ANGPT1: variants seen among roughly 807,000 people sequenced by gnomAD.
ANGPT1 encodes the protein angiopoietin-1.
Under a neutral mutation model 62.2 loss-of-function variants are expected in ANGPT1, and 17 were observed. The ratio of observed to expected loss-of-function variants is 0.27; its 90% CI spans 0.19 to 0.41. The LOEUF (loss-of-function observed/expected upper bound fraction) is 0.41. ANGPT1 is among the 10% of genes least tolerant of loss of function. The probability of loss-of-function intolerance (pLI) is 1.00; values close to 1 mark genes in which losing one functional copy is unlikely to be tolerated. For synonymous variants in ANGPT1, 199 were observed against 198.9 expected (o/e 1.00, Z 0.00); for missense variants, 478 against 594.9 (o/e 0.80, Z 2.04).
Position 107,321,943 on chromosome 8 carries a change from A to C in ANGPT1, c.761T>G (p.Leu254Arg), listed in dbSNP as rs758015817. 1.2e-6 allele frequency: 2 copies of C among 1,614,032 alleles called. No homozygotes were observed. Among genetic ancestry groups the C allele is most frequent in the Non-Finnish European group, 1.7e-6 (2 of 1,179,908 alleles). Residue 254 changes from leucine (L) to arginine (R), a missense_variant, in exon 4 of 9, where the codon CTG (leucine) becomes CGG (arginine). Physicochemically the swap from Leu to Arg is moderately radical, Grantham distance 102. Around this residue, in one of 4 missense-constraint regions of ANGPT1, gnomAD observed 343 missense variants for 355.4 expected, o/e 0.97. Transcript: ENST00000517746. ...GACAAGGTTGTGGACTGTGTCCATC[A>C]GCTCCAGTTGCTGCTTCTGAAGGAC... ...NSVLQKQQLE[L>R]MDTVHNLVNL...
At chr8:107,366,417 A>G (rs1816274125) in intron 1 of ANGPT1, among the ~76,000 whole-genome samples, 1 of 152,220 alleles carries the variant, frequency 6.6e-6, no homozygotes, top group Admixed American at 6.5e-5. Flanking sequence ...AATTCTGGTT[A>G]AATTAGCACA....
Position 107,481,396 on chromosome 8 carries a change from C to T in ANGPT1, c.297+15866G>A, listed in dbSNP as rs181705806. Among the ~76,000 whole-genome samples, 85 of 151,178 alleles carry T rather than the reference C, an allele frequency of 5.6e-4. 1 individual carries two copies. In the East Asian group the frequency reaches 0.011, roughly 19 times the overall value. ...AAAAATACAAAAAATTAGCCAGGCG[C>T]GGTGGCGGGCTCCTGTAGTCCCAGC... On this transcript the variant is annotated intron_variant, in intron 1 of 8. Transcript: ENST00000517746.
At chr8:107,284,168 T>C (rs1173381106) in intron 7 of ANGPT1, 1 of 152,210 alleles carries the variant, frequency 6.6e-6, no homozygotes, top group East Asian at 1.9e-4. Context: ...TTTTGCTTTT[T>C]AGATTTACCA....
At chr8:107,370,700 C>CAAAAAAAAAAAAAAAAA (rs71308729) in intron 1 of ANGPT1, among the ~76,000 whole-genome samples, 3 of 75,576 alleles carry the variant, frequency 4.0e-5, no homozygotes, top group Non-Finnish European at 2.4e-5. Flanking sequence ...AAGACTCTGT[C>CAAAAAAAAAAAAAAAAA]AAAAAAAAAA....
chr8:107,365,620 AT>A (rs1342522908), intron 1 of ANGPT1, among the ~76,000 whole-genome samples: 2 of 152,102 alleles, frequency 1.3e-5, no homozygotes, highest in Non-Finnish European at 2.9e-5. Context: ...GAGCATTGGG[AT>A]TTCGTCTTTC....
intron 1 of ANGPT1, among the ~76,000 whole-genome samples, chr8:107,392,981 G>T (rs1018856319): frequency 6.6e-6 from 1 of 152,044 alleles, no homozygotes; most frequent in Non-Finnish European, 1.5e-5. Context: ...ATATTGTTTT[G>T]ATTATGGCAG....
intron 1 of ANGPT1, among the ~76,000 whole-genome samples, chr8:107,393,297 G>A (rs1816870940): frequency 6.6e-6 from 1 of 152,170 alleles, no homozygotes; most frequent in South Asian, 2.1e-4. Flanking sequence ...TTGAGAGGGG[G>A]AGAGGGGACT....
At chr8:107,297,896 T>C (rs1488060113) in intron 5 of ANGPT1, among the ~76,000 whole-genome samples, 1 of 151,610 alleles carries the variant, frequency 6.6e-6, no homozygotes, top group Non-Finnish European at 1.5e-5. Flanking sequence ...ATGAAGGAAA[T>C]TTAAAAAAAT....
intron 1 of ANGPT1, among the ~76,000 whole-genome samples, chr8:107,484,056 T>G (rs1413345673): frequency 6.6e-6 from 1 of 152,176 alleles, no homozygotes; most frequent in Non-Finnish European, 1.5e-5. Context: ...AGATGGTTAT[T>G]TAGTATGGAT....
In ANGPT1 at chr8:107,249,721, TC is replaced by T. The variant is rs1813206589; in HGVS notation, c.*2133del. 1 of 152,298 alleles carries T rather than the reference TC, an allele frequency of 6.6e-6. No individual in the cohort carries two copies. Among genetic ancestry groups the T allele is most frequent in the African/African-American group, 2.4e-5 (1 of 41,594 alleles). The allele number at this position is 152,298 out of a possible 1,614,324, so 9.4% of individuals were successfully genotyped here. A position where few individuals can be genotyped will look rare whatever the true frequency, so the allele number is the denominator to read the frequency against. ...ATTATAAATAATTGGAAACAATATTTCATTTCTCAAACCCAGACAACAAAAC... is the reference window on the plus strand; with the variant it reads ...ATTATAAATAATTGGAAACAATATTTATTTCTCAAACCCAGACAACAAAAC... On this transcript the variant is annotated 3_prime_UTR_variant, in exon 9 of 9. Transcript: ENST00000517746.
At chr8:107,471,519 C>T (rs567241405) in intron 1 of ANGPT1, among the ~76,000 whole-genome samples, 17 of 152,100 alleles carry the variant, frequency 1.1e-4, no homozygotes, top group Middle Eastern at 6.8e-3. Context: ...CAAACCTGCA[C>T]GTTCTGCACA....
At position 107,251,941 on chromosome 8, in the gene ANGPT1, G is replaced by A. The variant is rs199579578; in HGVS notation, c.1411C>T (p.Leu471=). ...AAGTAGTGCCACTTTATCCCATTCA[G>A]TTTTCCATGGTTTTGTCCCGCAGTA... ...FYTAGQNHGK[L]NGIKWHYFKG... is the part of the protein sequence containing the mutation. Residue 471 remains leucine, a synonymous_variant, in exon 9 of 9, where the codon CTG becomes TTG. Transcript: ENST00000517746. 12 of 1,613,772 alleles carry A rather than the reference G, an allele frequency of 7.4e-6. No individual in the cohort carries two copies. The highest frequency in any genetic ancestry group is 1.7e-6 in the Non-Finnish European group (2 of 1,179,862).
chr8:107,416,845 G>T (rs1810764450), intron 1 of ANGPT1, among the ~76,000 whole-genome samples: 1 of 148,860 alleles, frequency 6.7e-6, no homozygotes, highest in South Asian at 2.1e-4. Context: ...GTCCTGGAGT[G>T]CAGTGGTGTG....
At chr8:107,383,914 C>T (rs935472100) in intron 1 of ANGPT1, among the ~76,000 whole-genome samples, 1 of 152,100 alleles carries the variant, frequency 6.6e-6, no homozygotes, top group Admixed American at 6.6e-5. Context: ...AGTACCTCAC[C>T]TTTCTGTAAT....
At chr8:107,479,435 G>A (rs1175139190) in intron 1 of ANGPT1, among the ~76,000 whole-genome samples, 1 of 152,128 alleles carries the variant, frequency 6.6e-6, no homozygotes, top group Non-Finnish European at 1.5e-5. Flanking sequence ...TATATTTAAA[G>A]AATGTTCCTA....
chr8:107,362,697 G>C (rs930564058), intron 1 of ANGPT1, among the ~76,000 whole-genome samples: 2 of 152,146 alleles, frequency 1.3e-5, no homozygotes, highest in Admixed American at 6.6e-5. Context: ...AATATGAGAT[G>C]TGTTATATTA....
chr8:107,281,504 A>C (rs1260774952), intron 7 of ANGPT1, among the ~76,000 whole-genome samples: 1 of 152,118 alleles, frequency 6.6e-6, no homozygotes, highest in Non-Finnish European at 1.5e-5. Flanking sequence ...CTAGGCCCAG[A>C]GCAGTGGCTC....
At chr8:107,306,920 T>C (rs1169517712) in intron 4 of ANGPT1, among the ~76,000 whole-genome samples, 1 of 151,744 alleles carries the variant, frequency 6.6e-6, no homozygotes, top group Non-Finnish European at 1.5e-5. Flanking sequence ...GGACTAAGAT[T>C]TGATGGAAGA....
chr8:107,331,427 T>C (rs1476714373), intron 3 of ANGPT1, among the ~76,000 whole-genome samples: 2 of 152,148 alleles, frequency 1.3e-5, no homozygotes, highest in African/African-American at 4.8e-5. Flanking sequence ...GGTCTACCCC[T>C]TTCTTCAAAT....
Sources: gnomAD v4.1 joint callset for allele counts (sites outside exome capture counted in the v4.1 genomes callset) on GRCh38, gnomAD v4.1.1 for gene constraint, gnomAD v4.1.1 regional missense constraint, MANE v1.5 for transcripts, NCBI Gene and HGNC (gene_info 2026-07-23, HGNC 2026-07-21) for gene names.